The following RGR variants were observed in gnomAD, a reference collection of about 807,000 sequenced individuals.
RGR encodes retinal G protein coupled receptor, also known as RPE-retinal G protein-coupled receptor.
Under a neutral mutation model 28.6 loss-of-function variants are expected in RGR, and 30 were observed. The ratio of observed to expected loss-of-function variants is 1.05; its 90% CI spans 0.78 to 1.42. The LOEUF is 1.42. RGR is among the 40% of genes most tolerant of loss of function. RGR has a pLI of 0.00. For missense variants in RGR, 404 were observed against 375.6 expected (o/e 1.08, Z -0.62); for synonymous variants, 180 against 156.4 (o/e 1.15, Z -1.13).
At chr10:84,249,392 A>T (rs1842788114) in intron 3 of RGR, among the ~76,000 whole-genome samples, 1 of 152,192 alleles carries the variant, frequency 6.6e-6, no homozygotes, top group South Asian at 2.1e-4. Context: ...GGCTCACTGC[A>T]ACCTCGGCCT....
intron 4 of RGR, among the ~76,000 whole-genome samples, chr10:84,253,269 G>C (rs1430698124): frequency 1.3e-5 from 2 of 152,136 alleles, no homozygotes; most frequent in African/African-American, 4.8e-5. Flanking sequence ...ATCATACAGG[G>C]AGCCATTGGC....
At chr10:84,247,276 C>G (rs1352627431) in intron 1 of RGR, among the ~76,000 whole-genome samples, 1 of 152,186 alleles carries the variant, frequency 6.6e-6, no homozygotes, top group Non-Finnish European at 1.5e-5. Flanking sequence ...CCACCGCTTA[C>G]TAGCTGTGTA....
chr10:84,247,625 CTTCTCT>C lies in RGR; in HGVS notation c.119_124del (p.Ser40_Phe41del). 1 of 1,614,206 alleles carries C rather than the reference CTTCTCT, an allele frequency of 6.2e-7. No individual in the cohort carries two copies. The highest frequency in any genetic ancestry group is 8.5e-7 in the Non-Finnish European group (1 of 1,180,034). ...GTCTCAGCCTCAATACCCTGACCAT[CTTCTCT>C]TTCTGCAAGACCCCGGAGCTGCGGA... On this transcript the variant is annotated inframe_deletion, in exon 2 of 7. Coordinates refer to ENST00000652092, the MANE Select transcript of RGR (RefSeq NM_001012720.2).
chr10:84,257,949 C>T lies in RGR; in HGVS notation c.687C>T (p.Ile229=), dbSNP rs1188004264. 6.2e-7 allele frequency: 1 copy of T among 1,614,212 alleles called. No homozygotes were observed. Among genetic ancestry groups the T allele is most frequent in the Non-Finnish European group, 8.5e-7 (1 of 1,180,042 alleles). ...TGCTCGGCTGGGGCCCCTATGCCATCCTGTATCTATACGCAGTCATCGCAG... is the reference window on the plus strand; with the variant it reads ...TGCTCGGCTGGGGCCCCTATGCCATTCTGTATCTATACGCAGTCATCGCAG... The part of the protein sequence containing the change: ...TLLLGWGPYA[I]LYLYAVIADV... Residue 229 remains isoleucine (I), a synonymous_variant, in exon 6 of 7, where the codon ATC becomes ATT. Transcript: ENST00000652092.
At chr10:84,253,387 T>C (rs1394985089) in intron 4 of RGR, among the ~76,000 whole-genome samples, 2 of 152,186 alleles carry the variant, frequency 1.3e-5, no homozygotes, top group African/African-American at 4.8e-5. Flanking sequence ...GCCACGCCCT[T>C]GGTACAATAG....
chr10:84,255,993 G>T (rs1433897025), intron 5 of RGR, among the ~76,000 whole-genome samples: 1 of 148,276 alleles, frequency 6.7e-6, no homozygotes, highest in Non-Finnish European at 1.5e-5. Context: ...TAAATTGTTG[G>T]GATATAGGCG....
rs1589337369 is a variant in RGR at position 84,258,004 on chromosome 10, A to G, written c.742A>G (p.Met248Val). The G allele has an allele frequency of 6.2e-7, 1 of 1,612,844 alleles. No homozygotes were observed. Among genetic ancestry groups the G allele is most frequent in the Non-Finnish European group, 8.5e-7 (1 of 1,178,820 alleles). The change falls in exon 6 of 7, where the codon ATG becomes GTG. Residue 248 changes from methionine to valine, a missense_variant and splice_region_variant. Transcript: ENST00000652092. The stretch of plus-strand genomic sequence containing the variant: ...GACTTCCATCTCCCCCAAACTGCAG[A>G]TGGTACAGATACTTCTAGTACCTAA... ...DVTSISPKLQMVPALIAKMVP... is the reference protein window; with the variant it reads ...DVTSISPKLQVVPALIAKMVP...
intron 3 of RGR, among the ~76,000 whole-genome samples, chr10:84,249,628 C>G (rs1474298292): frequency 6.6e-6 from 1 of 152,310 alleles, no homozygotes; most frequent in East Asian, 1.9e-4. Flanking sequence ...TTTTAATAAC[C>G]AATCTCAGTT....
intron 3 of RGR, among the ~76,000 whole-genome samples, chr10:84,250,007 T>C (rs1335793454): frequency 1.3e-5 from 2 of 152,172 alleles, no homozygotes; most frequent in Admixed American, 1.3e-4. Context: ...AATAAAAACC[T>C]GTTCACCAGA....
intron 6 of RGR, 65 bp downstream of exon 6, chr10:84,258,071 C>A: frequency 7.3e-7 from 1 of 1,378,078 alleles, no homozygotes; most frequent in Non-Finnish European, 1.0e-6. Context: ...CTCATCTCAT[C>A]TCACTTTCTG....
intron 2 of RGR, chr10:84,247,976 G>T: frequency 1.5e-6 from 1 of 678,272 alleles, no homozygotes; most frequent in East Asian, 2.9e-5. Context: ...GTAGGCTGTA[G>T]AGATCAATGG....
Position 84,258,661 on chromosome 10 carries a change from C to A in RGR, c.*22C>A, listed in dbSNP as rs759697741. The A allele has an allele frequency of 6.8e-6, 11 of 1,613,702 alleles. No homozygotes were observed. The African/African-American group carries it at 1.1e-4, about 16-fold the overall frequency. On this transcript the variant is annotated 3_prime_UTR_variant, in exon 7 of 7. Transcript: ENST00000652092. The stretch of plus-strand genomic sequence containing the variant: ...GTGAGCCTGCCACCCTGGAGTGAGC[C>A]CCAGGCCAGGAGGCTGTTCCAGGAG...
intron 3 of RGR, among the ~76,000 whole-genome samples, chr10:84,249,415 T>C (rs10887262): frequency 0.44 from 66,394 of 152,054 alleles, 17,042 homozygotes; most frequent in African/African-American, 0.73. Context: ...TGGTTTCAAG[T>C]GATTCTTTTG....
At chr10:84,255,383 C>T (rs1004235112) in intron 5 of RGR, 3 of 152,220 alleles carry the variant, frequency 2.0e-5, no homozygotes, top group Non-Finnish European at 4.4e-5. Context: ...TAACTCTTGC[C>T]AAGGATGTGA....
At chr10:84,256,164 G>A (rs969179865) in intron 5 of RGR, among the ~76,000 whole-genome samples, 1 of 141,402 alleles carries the variant, frequency 7.1e-6, no homozygotes, top group Admixed American at 7.4e-5. Flanking sequence ...CGCCTCTCGG[G>A]TTCAAGCGAT....
rs955624350 is a variant in RGR at position 84,254,361 on chromosome 10, T to C, written c.548T>C (p.Phe183Ser). The C allele has an allele frequency of 6.2e-7, 1 of 1,614,032 alleles. No individual in the cohort carries two copies. The highest frequency in any genetic ancestry group is 8.5e-7 in the Non-Finnish European group (1 of 1,180,038). ...AGCTTCCTCTTCACCATGTCCTTCT[T>C]CAACTTCGCCATGCCCCTCTTCATC... Reference protein sequence around the residue: ...FTSFLFTMSFFNFAMPLFITI... With the variant: ...FTSFLFTMSFSNFAMPLFITI... The change falls in exon 5 of 7, where the codon TTC (phenylalanine) becomes TCC (serine). Residue 183 changes from phenylalanine to serine, a missense_variant. By Grantham distance (155) the Phe-to-Ser change is radical. Coordinates refer to ENST00000652092, the MANE Select transcript of RGR (RefSeq NM_001012720.2).
rs61441525 is a variant in RGR, at chr10:84,256,059, C to CTTTTTTTTTTTT, written c.630+1634_630+1645dup. ...TCTTTGTTTCTTTTTTTTTTCCTTT[C>CTTTTTTTTTTTT]TTTTTTTTTTTTTTTTTTTTTTTTT... On this transcript the variant is annotated intron_variant, in intron 5 of 6. Transcript: ENST00000652092. Among the ~76,000 whole-genome samples the CTTTTTTTTTTTT allele has an allele frequency of 6.8e-4, 37 of 54,364 alleles. 1 individual carries two copies. Among genetic ancestry groups the CTTTTTTTTTTTT allele is most frequent in the Non-Finnish European group, 9.3e-4 (30 of 32,376 alleles). The allele number at this position is 54,364 out of a possible 152,430, so 35.7% of individuals were successfully genotyped here.
chr10:84,248,444 G>A, intron 2 of RGR: 1 of 269,628 alleles, frequency 3.7e-6, no homozygotes, highest in Non-Finnish European at 7.2e-6. Flanking sequence ...TGCATGCTCA[G>A]TGCTGACCAG....
At chr10:84,253,490 G>A (rs746704271) in intron 4 of RGR, among the ~76,000 whole-genome samples, 2 of 152,182 alleles carry the variant, frequency 1.3e-5, no homozygotes, top group Non-Finnish European at 2.9e-5. Flanking sequence ...GAATGCATGA[G>A]GGTCCCCACC....
Sources: allele counts gnomAD v4.1 joint callset (sites outside exome capture counted in the v4.1 genomes callset), GRCh38; gene constraint gnomAD v4.1.1; transcripts MANE v1.5; gene names NCBI Gene and HGNC (gene_info 2026-07-23, HGNC 2026-07-21).